C6orf52: variants seen among roughly 807,000 people sequenced by gnomAD.
C6orf52 encodes chromosome 6 open reading frame 52.
In C6orf52, 16 loss-of-function variants were observed where a neutral mutation model predicts 16.6. The ratio of observed to expected loss-of-function variants is 0.96; its 90% CI spans 0.65 to 1.46. The LOEUF is 1.46. Ranked by LOEUF, C6orf52 falls within the 40% of genes most tolerant of loss-of-function variation. The pLI, the probability that C6orf52 is intolerant of heterozygous loss-of-function variation, is 0.00. For synonymous variants in C6orf52, 53 were observed against 61.4 expected, an observed-to-expected ratio of 0.86 and a Z score of 0.64; for missense variants, 166 against 182.3, an observed-to-expected ratio of 0.91 and a Z score of 0.52.
chr6:10,672,179 T>C (rs766618483), intron 4 of C6orf52, among the ~76,000 whole-genome samples: 33 of 152,240 alleles, frequency 2.2e-4, no homozygotes, highest in Non-Finnish European at 4.7e-4. Flanking sequence ...TTGTCAGGTT[T>C]CCAGAGCTTT....
chr6:10,672,369 A>G (rs1384329497), intron 4 of C6orf52, among the ~76,000 whole-genome samples: 1 of 152,148 alleles, frequency 6.6e-6, no homozygotes, highest in African/African-American at 2.4e-5. Flanking sequence ...TATGCTTATT[A>G]GGGACTAAAT....
intron 3 of C6orf52, among the ~76,000 whole-genome samples, chr6:10,684,288 A>G (rs1375700500): frequency 6.6e-6 from 1 of 152,220 alleles, no homozygotes; most frequent in Non-Finnish European, 1.5e-5. Flanking sequence ...AGCCTGGGCA[A>G]AAGAGCAAGA....
chr6:10,686,134 G>C (rs1301487613), intron 3 of C6orf52, among the ~76,000 whole-genome samples: 1 of 152,198 alleles, frequency 6.6e-6, no homozygotes, highest in Non-Finnish European at 1.5e-5. Flanking sequence ...GGACTCAAGT[G>C]ATCGTCCCGC....
At chr6:10,676,201 T>C (rs1394637302) in intron 4 of C6orf52, among the ~76,000 whole-genome samples, 6 of 152,138 alleles carry the variant, frequency 3.9e-5, no homozygotes, top group Non-Finnish European at 8.8e-5. Context: ...CCAAAAACTA[T>C]TGAAATAAAA....
At chr6:10,673,086 A>C (rs776355017) in intron 4 of C6orf52, among the ~76,000 whole-genome samples, 5 of 152,220 alleles carry the variant, frequency 3.3e-5, no homozygotes, top group Non-Finnish European at 7.3e-5. Context: ...TGGTCATAAA[A>C]GTAGATGTTT....
chr6:10,687,492 C>T lies in C6orf52; in HGVS notation c.59G>A (p.Cys20Tyr). 1 of 1,548,536 alleles carries T rather than the reference C, an allele frequency of 6.5e-7. No homozygotes were observed. The highest frequency in any genetic ancestry group is 8.7e-7 in the Non-Finnish European group (1 of 1,144,468). ...FGIAQQNNYY[C>Y]YWQSLPSAIR... The stretch of plus-strand genomic sequence containing the variant: ...GAAAACCACTCACCTTTGCCAGTAG[C>T]AGTAATAGTTATTTTGTTGAGCTAT... Residue 20 changes from cysteine (C) to tyrosine (Y), a missense_variant, in exon 2 of 5, where the codon TGC becomes TAC. By Grantham distance (194) the Cys-to-Tyr change is radical. Coordinates refer to ENST00000259983, the MANE Select transcript of C6orf52 (RefSeq NM_001145020.3).
At chr6:10,679,867 T>C (rs1768224384) in intron 4 of C6orf52, among the ~76,000 whole-genome samples, 1 of 152,214 alleles carries the variant, frequency 6.6e-6, no homozygotes, top group African/African-American at 2.4e-5. Flanking sequence ...ATGGACTCTA[T>C]TGTATTGAGG....
chr6:10,681,896 C>T (rs983807534), intron 4 of C6orf52, among the ~76,000 whole-genome samples: 3 of 152,106 alleles, frequency 2.0e-5, no homozygotes, highest in East Asian at 3.8e-4. Context: ...AACATGCCCA[C>T]GGTGAAAAAT....
At position 10,687,167 on chromosome 6, in the gene C6orf52, A is replaced by C. The variant is rs1326157779; in HGVS notation, c.72-3T>G. ...TCACTCTAATAGCAGAGGGGAGACT[A>C]CAGGAATGACAATCATCACAACCAA... On this transcript the variant is annotated splice_polypyrimidine_tract_variant and splice_region_variant and intron_variant, in intron 2 of 4. Transcript: ENST00000259983. 1 of 1,538,936 alleles carries C rather than the reference A, an allele frequency of 6.5e-7. No individual in the cohort carries two copies. Among genetic ancestry groups the C allele is most frequent in the East Asian group, 2.4e-5 (1 of 40,866 alleles).
chr6:10,682,290 C>T (rs1768463668), intron 4 of C6orf52, among the ~76,000 whole-genome samples: 1 of 152,170 alleles, frequency 6.6e-6, no homozygotes, highest in Non-Finnish European at 1.5e-5. Context: ...AAGAAAGACT[C>T]ACACTTAATC....
At chr6:10,675,869 C>T (rs1195105023) in intron 4 of C6orf52, among the ~76,000 whole-genome samples, 2 of 152,202 alleles carry the variant, frequency 1.3e-5, no homozygotes, top group South Asian at 2.1e-4. Context: ...CGGTGGCTCA[C>T]GCCTGTAATC....
chr6:10,685,346 C>A (rs1483405140), intron 3 of C6orf52, among the ~76,000 whole-genome samples: 4 of 149,708 alleles, frequency 2.7e-5, no homozygotes, highest in African/African-American at 7.4e-5. Context: ...AGGGAAAAAC[C>A]CAAATTGGGC....
At chr6:10,694,312 C>T (rs1216856953) in intron 1 of C6orf52, among the ~76,000 whole-genome samples, 182 bp downstream of exon 1, 1 of 151,670 alleles carries the variant, frequency 6.6e-6, no homozygotes, top group Non-Finnish European at 1.5e-5. Context: ...CAGGAGGTGC[C>T]GCAACCTTGG....
At chr6:10,684,660 G>A (rs558777095) in intron 3 of C6orf52, among the ~76,000 whole-genome samples, 1 of 152,312 alleles carries the variant, frequency 6.6e-6, no homozygotes, top group African/African-American at 2.4e-5. Flanking sequence ...CCTCCACAAC[G>A]TGAAAATGTA....
At chr6:10,693,044 C>T (rs1396131236) in intron 1 of C6orf52, among the ~76,000 whole-genome samples, 3 of 152,238 alleles carry the variant, frequency 2.0e-5, no homozygotes, top group Non-Finnish European at 4.4e-5. Flanking sequence ...GACTAACTTA[C>T]TTCAAGCCTC....
intron 4 of C6orf52, among the ~76,000 whole-genome samples, chr6:10,673,131 T>TA (rs1767571860): frequency 6.6e-6 from 1 of 152,254 alleles, no homozygotes; most frequent in Non-Finnish European, 1.5e-5. Context: ...GAAATTTTCT[T>TA]ACACTTCTGT....
At chr6:10,693,857 T>C (rs891013134) in intron 1 of C6orf52, among the ~76,000 whole-genome samples, 6 of 152,016 alleles carry the variant, frequency 3.9e-5, no homozygotes, top group African/African-American at 1.5e-4. Flanking sequence ...GCCTTCCGAG[T>C]TGCTGAGGCC....
chr6:10,694,632 T>A, upstream of C6orf52: 1 of 212,012 alleles, frequency 4.7e-6, no homozygotes, highest in African/African-American at 2.3e-5. Context: ...CACCTCCTCC[T>A]GATGTCACGG....
chr6:10,694,609 CGG>C lies in C6orf52; in HGVS notation c.-129_-128del. On this transcript the variant is annotated 5_prime_UTR_variant, in exon 1 of 5. Coordinates refer to ENST00000259983, the MANE Select transcript of C6orf52 (RefSeq NM_001145020.3). Reference sequence around the variant, plus strand: ...GCGCTACAGCCCCTAAGCAACCGGCCGGAAGTCGGCCCCACCTCCTCCTGATG... The same window carrying C: ...GCGCTACAGCCCCTAAGCAACCGGCCAAGTCGGCCCCACCTCCTCCTGATG... 1 of 182,534 alleles carries C rather than the reference CGG, an allele frequency of 5.5e-6. No individual in the cohort carries two copies. The allele number at this position is 182,534 out of a possible 1,614,324, so 11.3% of individuals were successfully genotyped here.
Sources: gnomAD v4.1 joint callset for allele counts (sites outside exome capture counted in the v4.1 genomes callset) on GRCh38, gnomAD v4.1.1 for gene constraint, MANE v1.5 for transcripts, NCBI Gene and HGNC (gene_info 2026-07-23, HGNC 2026-07-21) for gene names.